Variants in SPTBN1 observed in about 807,000 individuals in gnomAD.
SPTBN1 encodes spectrin beta chain, non-erythrocytic 1.
A neutral mutation model predicts 266.4 loss-of-function variants in SPTBN1; 32 were observed. That is an observed-to-expected ratio of 0.12 (90% CI 0.09 to 0.16). The LOEUF (loss-of-function observed/expected upper bound fraction) is 0.16. Ranked by LOEUF, SPTBN1 falls within the 10% of genes least tolerant of loss-of-function variation. The probability of loss-of-function intolerance (pLI) is 1.00; values close to 1 mark genes in which losing one functional copy is unlikely to be tolerated. For missense variants in SPTBN1, 2,296 were observed against 3,067.1 expected, an observed-to-expected ratio of 0.75 and a Z score of 5.94; for synonymous variants, 1,336 against 1,162.2, an observed-to-expected ratio of 1.15 and a Z score of -3.04.
rs1008959377 is a variant in SPTBN1 at position 54,474,871 on chromosome 2, T to C, written c.-48+18353T>C. Among the ~76,000 whole-genome samples the C allele has an allele frequency of 5.9e-5, 9 of 152,264 alleles. No homozygotes were observed. The South Asian group carries it at 1.9e-3, about 32-fold the overall frequency. On this transcript the variant is annotated intron_variant, in intron 1 of 35. Coordinates refer to ENST00000356805, the MANE Select transcript of SPTBN1 (RefSeq NM_003128.3). ...TTCTATAATTTGAAAAAGTAAACTTTGTTTTCAAAAGTGGATGTAGGCTGG... is the reference window on the plus strand; with the variant it reads ...TTCTATAATTTGAAAAAGTAAACTTCGTTTTCAAAAGTGGATGTAGGCTGG...
At chr2:54,660,099 T>A (rs1680938381) in intron 32 of SPTBN1, 100 bp downstream of exon 32, 1 of 1,611,142 alleles carries the variant, frequency 6.2e-7, no homozygotes, top group South Asian at 1.1e-5. Context: ...TTCACTACCA[T>A]TTGTCAAGAA....
chr2:54,629,637 G>A lies in SPTBN1; in HGVS notation c.2503G>A (p.Ala835Thr), dbSNP rs1045396295. The A allele has an allele frequency of 1.9e-6, 3 of 1,613,914 alleles. No homozygotes were observed. Among genetic ancestry groups the A allele is most frequent in the South Asian group, 1.1e-5 (1 of 91,088 alleles). Reference protein sequence around the residue: ...SGIEERYKEVAELTRLRKQAL... With the variant: ...SGIEERYKEVTELTRLRKQAL... Reference sequence around the variant, plus strand: ...CATCGAGGAGCGGTATAAGGAGGTGGCAGAGCTGACGCGGCTGCGGAAGCA... The same window carrying A: ...CATCGAGGAGCGGTATAAGGAGGTGACAGAGCTGACGCGGCTGCGGAAGCA... The change falls in exon 14 of 36, where the codon GCA becomes ACA. Residue 835 changes from alanine to threonine, a missense_variant. Physicochemically the swap from Ala to Thr is moderately conservative, Grantham distance 58. This residue lies in a region of SPTBN1 where 434 missense variants were observed against 573.9 expected (regional missense o/e 0.76). Coordinates refer to ENST00000356805, the MANE Select transcript of SPTBN1 (RefSeq NM_003128.3).
Position 54,629,127 on chromosome 2 carries a change from G to A in SPTBN1, c.1993G>A (p.Asp665Asn), listed in dbSNP as rs1678556136. 1.2e-6 allele frequency: 2 copies of A among 1,613,534 alleles called. No homozygotes were observed. Among genetic ancestry groups the A allele is most frequent in the African/African-American group, 1.3e-5 (1 of 74,948 alleles). The change falls in exon 14 of 36, where the codon GAT becomes AAT. Residue 665 changes from aspartate (D) to asparagine (N), a missense_variant. Transcript: ENST00000356805. ...REKEKILSSD[D>N]YGKDLTSVMR... ...GAAGGAGAAGATCCTGTCCTCGGAC[G>A]ATTACGGGAAAGACCTGACCAGCGT...
At chr2:54,609,157 G>A (rs1677052961) in intron 3 of SPTBN1, among the ~76,000 whole-genome samples, 1 of 152,074 alleles carries the variant, frequency 6.6e-6, no homozygotes, top group South Asian at 2.1e-4. Context: ...GGAACCCTTG[G>A]AACAAATTCA....
At chr2:54,582,018 G>T (rs1350606871) in intron 2 of SPTBN1, among the ~76,000 whole-genome samples, 2 of 152,010 alleles carry the variant, frequency 1.3e-5, no homozygotes, top group Admixed American at 6.6e-5. Context: ...CCGAGAATAC[G>T]CTAGCTCTGG....
intron 1 of SPTBN1, among the ~76,000 whole-genome samples, chr2:54,471,959 C>T (rs1024847714): frequency 1.3e-5 from 2 of 150,810 alleles, no homozygotes; most frequent in African/African-American, 4.9e-5. Context: ...CTGCTCTGCT[C>T]ACCCAACTCA....
At chr2:54,465,640 A>ATATATATATATATATATATATATATATG (rs1693594420) in intron 1 of SPTBN1, among the ~76,000 whole-genome samples, 3 of 3,172 alleles carry the variant, frequency 9.5e-4, no homozygotes, top group Admixed American at 4.5e-3. Flanking sequence ...TGTTTATCTC[A>ATATATATATATATATATATATATATATG]TATATATATA....
At chr2:54,604,072 A>T (rs953934024) in intron 3 of SPTBN1, among the ~76,000 whole-genome samples, 57 of 152,342 alleles carry the variant, frequency 3.7e-4, no homozygotes, top group Non-Finnish European at 1.2e-4. Flanking sequence ...ATAAGTGACC[A>T]GCAAGGCCAC....
intron 1 of SPTBN1, among the ~76,000 whole-genome samples, chr2:54,483,914 G>A (rs908083951): frequency 6.6e-5 from 10 of 152,186 alleles, no homozygotes; most frequent in Non-Finnish European, 1.2e-4. Flanking sequence ...CTGTATTGGG[G>A]CTGGGCATGG....
intron 7 of SPTBN1, among the ~76,000 whole-genome samples, chr2:54,618,935 G>A (rs1482662714): frequency 1.3e-5 from 2 of 152,188 alleles, no homozygotes; most frequent in African/African-American, 4.8e-5. Context: ...CCAGGTTGTA[G>A]TTCCCTTGCT....
chr2:54,581,064 C>T (rs1674863196), intron 2 of SPTBN1, among the ~76,000 whole-genome samples: 1 of 151,488 alleles, frequency 6.6e-6, no homozygotes, highest in Non-Finnish European at 1.5e-5. Context: ...CGCCACTGCA[C>T]TCCAGCCTGG....
At chr2:54,464,415 G>A (rs1011738668) in intron 1 of SPTBN1, among the ~76,000 whole-genome samples, 4 of 152,200 alleles carry the variant, frequency 2.6e-5, no homozygotes, top group African/African-American at 9.7e-5. Flanking sequence ...GAAATATCTG[G>A]ATGCAAAATT....
intron 18 of SPTBN1, among the ~76,000 whole-genome samples, chr2:54,641,263 T>A (rs1055698036): frequency 2.0e-5 from 3 of 152,076 alleles, no homozygotes; most frequent in African/African-American, 7.3e-5. Flanking sequence ...AAGAGCAGAT[T>A]TGTTTATAAG....
Position 54,629,544 on chromosome 2 carries a change from C to T in SPTBN1, c.2410C>T (p.His804Tyr). Residue 804 changes from histidine (H) to tyrosine (Y), a missense_variant, in exon 14 of 36, where the codon CAC becomes TAC. Physicochemically the swap from His to Tyr is moderately conservative, Grantham distance 83. Coordinates refer to ENST00000356805, the MANE Select transcript of SPTBN1 (RefSeq NM_003128.3). ...TTACAGGCCCACCCTTGACACGCTG[C>T]ACGAACAAGCCAGCGCCCTCCCCCA... ...ANYRPTLDTL[H>Y]EQASALPQEH... 6.2e-7 allele frequency: 1 copy of T among 1,614,102 alleles called. No individual in the cohort carries two copies. Among genetic ancestry groups the T allele is most frequent in the African/African-American group, 1.3e-5 (1 of 75,068 alleles).
At chr2:54,483,094 C>T (rs948717408) in intron 1 of SPTBN1, among the ~76,000 whole-genome samples, 1 of 152,114 alleles carries the variant, frequency 6.6e-6, no homozygotes, top group Non-Finnish European at 1.5e-5. Flanking sequence ...CGAGGAATGC[C>T]CTGGAAGGGA....
In SPTBN1 at chr2:54,558,098, A is replaced by T. The variant is rs1673000600; in HGVS notation, c.148+31532A>T. ...TAGTAATCGGAGACTTTTCCGTTAC[A>T]TGAGGCTCAACAAAAGATTGTAATT... On this transcript the variant is annotated intron_variant, in intron 2 of 35. Coordinates refer to ENST00000356805, the MANE Select transcript of SPTBN1 (RefSeq NM_003128.3). The surrounding 1 kb of genome is among the most constrained non-coding windows in gnomAD (Gnocchi z 4.6). The T allele has an allele frequency of 2.0e-6, 2 of 985,278 alleles. No homozygotes were observed. The highest frequency in any genetic ancestry group is 3.5e-5 in the African/African-American group (2 of 57,238). The allele number at this position is 985,278 out of a possible 1,614,324, so 61.0% of individuals were successfully genotyped here. A position where few individuals can be genotyped will look rare whatever the true frequency, so the allele number is the denominator to read the frequency against.
chr2:54,661,689 T>G (rs1016207600), intron 32 of SPTBN1: 14 of 985,690 alleles, frequency 1.4e-5, no homozygotes, highest in Non-Finnish European at 1.7e-5. Context: ...TGGCTCCAAG[T>G]TACATTTTGT....
intron 32 of SPTBN1, chr2:54,663,986 T>G (rs1681212012): frequency 6.5e-6 from 1 of 153,026 alleles, no homozygotes; most frequent in South Asian, 2.1e-4. Flanking sequence ...TCTGGGGGAA[T>G]GCCATGTAGC....
rs145158395 is a variant in SPTBN1, at chr2:54,631,173, C to T, written c.3126C>T (p.Asp1042=). 20 of 1,614,064 alleles carry T rather than the reference C, an allele frequency of 1.2e-5. No homozygotes were observed. Among genetic ancestry groups the T allele is most frequent in the Admixed American group, 3.3e-5 (2 of 60,004 alleles). Residue 1042 remains aspartate (D), a synonymous_variant, in exon 16 of 36, where the codon GAC becomes GAT. Coordinates refer to ENST00000356805, the MANE Select transcript of SPTBN1 (RefSeq NM_003128.3). ...AILSRLAEIS[D]VWEEMKTTLK... is the part of the protein sequence containing the mutation. ...TGTCTCGGCTGGCCGAGATCAGCGA[C>T]GTGTGGGAGGAGATGAAGACCACCC...
Sources: gnomAD v4.1 joint callset for allele counts (sites outside exome capture counted in the v4.1 genomes callset) on GRCh38, gnomAD v4.1.1 for gene constraint, gnomAD v4.1.1 regional missense constraint, Gnocchi (gnomAD v3.1) non-coding constraint, MANE v1.5 for transcripts, NCBI Gene and HGNC (gene_info 2026-07-23, HGNC 2026-07-21) for gene names.